The following MAGI1 variants were observed in gnomAD, a reference collection of about 807,000 sequenced individuals.
MAGI1 encodes membrane associated guanylate kinase, WW and PDZ domain containing 1.
Under a neutral mutation model 139.9 loss-of-function variants are expected in MAGI1, and 58 were observed. The observed-to-expected ratio is 0.41, with a 90% CI of 0.34 to 0.52. MAGI1 has a LOEUF of 0.52. Ranked by LOEUF, MAGI1 falls within the 20% of genes least tolerant of loss-of-function variation. MAGI1 has a pLI of 0.12. For missense variants in MAGI1, 1,874 were observed against 1,901.6 expected, an observed-to-expected ratio of 0.99 and a Z score of 0.27; for synonymous variants, 812 against 737.9, an observed-to-expected ratio of 1.10 and a Z score of -1.63.
chr3:65,822,751 G>A (rs183411195), intron 1 of MAGI1, among the ~76,000 whole-genome samples: 1 of 152,274 alleles, frequency 6.6e-6, no homozygotes, highest in Non-Finnish European at 1.5e-5. Context: ...GAGGAAGATA[G>A]AGTGTGAGGG....
intron 2 of MAGI1, among the ~76,000 whole-genome samples, chr3:65,551,835 T>A (rs2079849088): frequency 6.6e-6 from 1 of 152,194 alleles, no homozygotes; most frequent in South Asian, 2.1e-4. Context: ...GAGAGTAACA[T>A]CACATTTACT....
At chr3:65,761,370 GA>G (rs1431788029) in intron 1 of MAGI1, among the ~76,000 whole-genome samples, 2 of 152,038 alleles carry the variant, frequency 1.3e-5, no homozygotes, top group African/African-American at 4.8e-5. Context: ...GTCAAATGAA[GA>G]ATACTGTTAG....
In MAGI1 at chr3:65,384,778, GGGGT is replaced by G. The variant is rs1236937430; in HGVS notation, c.2417-1159_2417-1156del. On this transcript the variant is annotated intron_variant, in intron 14 of 22. Transcript: ENST00000402939. ...AACAAACAAATAAATAATATAGGAA[GGGGT>G]GTGTGTGTGTGTGTGTGTGTGTGTG... Among the ~76,000 whole-genome samples the G allele has an allele frequency of 5.6e-5, 3 of 54,026 alleles. No homozygotes were observed. In the East Asian group the frequency reaches 1.1e-3, roughly 19 times the overall value. The allele number at this position is 54,026 out of a possible 152,430, so 35.4% of individuals were successfully genotyped here. A position where few individuals can be genotyped will look rare whatever the true frequency, so the allele number is the denominator to read the frequency against.
At chr3:65,448,560 G>A (rs1168295920) in intron 6 of MAGI1, among the ~76,000 whole-genome samples, 1 of 152,132 alleles carries the variant, frequency 6.6e-6, no homozygotes, top group Admixed American at 6.5e-5. Context: ...ACTGTATAAT[G>A]AGCTAACTTT....
chr3:66,016,606 G>A (rs1045465456), intron 1 of MAGI1, among the ~76,000 whole-genome samples: 2 of 152,200 alleles, frequency 1.3e-5, no homozygotes, highest in Non-Finnish European at 2.9e-5. Context: ...GTGCTCCGGA[G>A]AGACCCAGGG....
At chr3:65,371,025 T>C (rs972170148) in intron 18 of MAGI1, among the ~76,000 whole-genome samples, 10 of 152,262 alleles carry the variant, frequency 6.6e-5, no homozygotes, top group Admixed American at 3.3e-4. Context: ...TGAGTATTTA[T>C]GTCTTTACTG....
intron 1 of MAGI1, among the ~76,000 whole-genome samples, chr3:65,716,589 C>T (rs2032280619): frequency 6.6e-6 from 1 of 152,194 alleles, no homozygotes; most frequent in Non-Finnish European, 1.5e-5. Context: ...TTTAAAATCA[C>T]TTAATTGCTT....
At chr3:65,671,625 G>C (rs2086862655) in intron 1 of MAGI1, among the ~76,000 whole-genome samples, 1 of 152,056 alleles carries the variant, frequency 6.6e-6, no homozygotes, top group Non-Finnish European at 1.5e-5. Context: ...AGTGTCAAGG[G>C]GTCCCATAGA....
At chr3:65,833,365 C>T (rs923066730) in intron 1 of MAGI1, among the ~76,000 whole-genome samples, 7 of 152,022 alleles carry the variant, frequency 4.6e-5, no homozygotes, top group African/African-American at 9.7e-5. Flanking sequence ...GTGATCCGCC[C>T]GCCTCAGCCT....
intron 14 of MAGI1, chr3:65,387,283 C>T (rs764775641): frequency 1.5e-6 from 2 of 1,316,504 alleles, no homozygotes; most frequent in South Asian, 1.2e-5. Context: ...TCTCTTAGTT[C>T]ACTTTAATTT....
At chr3:65,430,644 T>C (rs1947388477) in intron 11 of MAGI1, 55 bp downstream of exon 11, 3 of 1,555,906 alleles carry the variant, frequency 1.9e-6, no homozygotes, top group Non-Finnish European at 2.6e-6. Context: ...CACATGTTTA[T>C]CTCCTGGATT....
intron 12 of MAGI1, among the ~76,000 whole-genome samples, chr3:65,417,370 A>C (rs1246114427): frequency 1.3e-5 from 2 of 152,182 alleles, no homozygotes; most frequent in East Asian, 3.8e-4. Flanking sequence ...TAATCATAAT[A>C]ATATTCCTCA....
At chr3:65,464,450 A>C (rs1157017238) in intron 5 of MAGI1, among the ~76,000 whole-genome samples, 1 of 151,996 alleles carries the variant, frequency 6.6e-6, no homozygotes, top group East Asian at 1.9e-4. Context: ...ATTTTCATTC[A>C]GTTCAATTTA....
intron 1 of MAGI1, among the ~76,000 whole-genome samples, chr3:65,860,051 A>G (rs761557487): frequency 4.3e-4 from 65 of 151,964 alleles, no homozygotes; most frequent in Non-Finnish European, 8.1e-4. Flanking sequence ...ACGCACCACC[A>G]TGCCTGGCTA....
At chr3:65,772,876 T>C (rs763489836) in intron 1 of MAGI1, among the ~76,000 whole-genome samples, 17 of 152,222 alleles carry the variant, frequency 1.1e-4, no homozygotes, top group Non-Finnish European at 2.1e-4. Flanking sequence ...ATTAACAGCA[T>C]GTGAATTTAA....
intron 1 of MAGI1, among the ~76,000 whole-genome samples, chr3:65,860,552 G>A (rs946121357): frequency 5.3e-5 from 8 of 152,188 alleles, no homozygotes; most frequent in South Asian, 2.1e-4. Flanking sequence ...ACAGGTCCTC[G>A]GAGTGTGCTG....
intron 1 of MAGI1, among the ~76,000 whole-genome samples, chr3:65,834,384 A>C (rs1340624557): frequency 6.6e-6 from 1 of 152,234 alleles, no homozygotes; most frequent in African/African-American, 2.4e-5. Context: ...AGGAAGTCCA[A>C]GTAGCTGGAG....
intron 12 of MAGI1, among the ~76,000 whole-genome samples, chr3:65,428,048 T>C (rs1224773575): frequency 6.6e-6 from 1 of 152,186 alleles, no homozygotes; most frequent in Non-Finnish European, 1.5e-5. Flanking sequence ...ATTGAGCATT[T>C]CAATTCACAT....
intron 1 of MAGI1, among the ~76,000 whole-genome samples, chr3:65,658,332 A>C (rs1197514669): frequency 2.6e-5 from 4 of 152,212 alleles, no homozygotes; most frequent in Non-Finnish European, 5.9e-5. Flanking sequence ...TACAGGAACA[A>C]AACTTCCTGC....
Sources: allele counts gnomAD v4.1 joint callset (sites outside exome capture counted in the v4.1 genomes callset), GRCh38; gene constraint gnomAD v4.1.1; transcripts MANE v1.5; gene names NCBI Gene and HGNC (gene_info 2026-07-23, HGNC 2026-07-21).